MITF: variants seen among roughly 807,000 people sequenced by gnomAD.
MITF encodes microphthalmia-associated transcription factor.
A neutral mutation model predicts 60.5 loss-of-function variants in MITF; 17 were observed. That is an observed-to-expected ratio of 0.28 (90% CI 0.19 to 0.42). The LOEUF (loss-of-function observed/expected upper bound fraction) is 0.42, where lower values mean the gene tolerates loss of function less well. MITF is among the 10% of genes least tolerant of loss of function. The pLI, the probability that MITF is intolerant of heterozygous loss-of-function variation, is 1.00. For synonymous variants in MITF, 260 were observed against 248.5 expected, an observed-to-expected ratio of 1.05 and a Z score of -0.43; for missense variants, 622 against 683.5, an observed-to-expected ratio of 0.91 and a Z score of 1.00.
rs148329616 is a variant in MITF at position 69,913,613 on chromosome 3, G to A, written c.355-24209G>A. The stretch of plus-strand genomic sequence containing the variant: ...TGATCATCACACATAGTGATTGACT[G>A]CATCTCATTTATGATGGTGCAGTCT... On this transcript the variant is annotated intron_variant, in intron 2 of 9. Coordinates refer to ENST00000352241, the MANE Select transcript of MITF (RefSeq NM_001354604.2). Among the ~76,000 whole-genome samples, 26 of 152,328 alleles carry A rather than the reference G, an allele frequency of 1.7e-4. No individual in the cohort carries two copies. In the East Asian group the frequency reaches 3.3e-3, roughly 19 times the overall value.
intron 1 of MITF, among the ~76,000 whole-genome samples, chr3:69,801,909 T>C (rs573560496): frequency 2.2e-4 from 34 of 152,248 alleles, no homozygotes; most frequent in Non-Finnish European, 3.4e-4. Context: ...GTAGTGAGGA[T>C]TGGAGGGAAT....
intron 1 of MITF, among the ~76,000 whole-genome samples, chr3:69,748,078 AAG>A (rs1344403963): frequency 6.6e-6 from 1 of 151,652 alleles, no homozygotes; most frequent in Non-Finnish European, 1.5e-5. Flanking sequence ...AGAAACAAAA[AAG>A]AAGAAGCTCT....
intron 1 of MITF, among the ~76,000 whole-genome samples, chr3:69,857,360 C>A (rs533476275): frequency 1.3e-4 from 19 of 151,236 alleles, no homozygotes; most frequent in Non-Finnish European, 2.4e-4. Context: ...CTGCCCCCCC[C>A]AGTTTCTTTC....
At chr3:69,882,863 G>T (rs967133524) in intron 2 of MITF, among the ~76,000 whole-genome samples, 1 of 152,100 alleles carries the variant, frequency 6.6e-6, no homozygotes, top group African/African-American at 2.4e-5. Context: ...AGTTCATCAG[G>T]ATTTCTTCCC....
chr3:69,847,373 CA>C (rs1294127326), intron 1 of MITF, among the ~76,000 whole-genome samples: 1 of 152,166 alleles, frequency 6.6e-6, no homozygotes, highest in African/African-American at 2.4e-5. Context: ...AAGAAGGACA[CA>C]CTAGAACTAG....
Position 69,904,377 on chromosome 3 carries a change from A to G in MITF, c.354+24994A>G, listed in dbSNP as rs539575590. On this transcript the variant is annotated intron_variant, in intron 2 of 9. Transcript: ENST00000352241. ...ATTTAGATTTTGTGAATTTGCCCATACCAGGTACTGACTAGCATGAAAAAT... is the reference window on the plus strand; with the variant it reads ...ATTTAGATTTTGTGAATTTGCCCATGCCAGGTACTGACTAGCATGAAAAAT... Among the ~76,000 whole-genome samples the G allele has an allele frequency of 2.6e-4, 39 of 152,294 alleles. 1 individual carries two copies. The South Asian group carries it at 7.9e-3, about 31-fold the overall frequency.
intron 1 of MITF, among the ~76,000 whole-genome samples, chr3:69,801,140 G>T (rs2062912993): frequency 6.6e-6 from 1 of 150,866 alleles, no homozygotes; most frequent in South Asian, 2.1e-4. Context: ...AATCTTGGAA[G>T]ATCTTTGAAA....
At chr3:69,931,339 T>C (rs2065718354) in intron 2 of MITF, among the ~76,000 whole-genome samples, 1 of 152,206 alleles carries the variant, frequency 6.6e-6, no homozygotes. Flanking sequence ...ATTATCATGG[T>C]CTTTGGCTTA....
chr3:69,914,916 A>G (rs2107402387), intron 2 of MITF, among the ~76,000 whole-genome samples: 1 of 152,310 alleles, frequency 6.6e-6, no homozygotes, highest in South Asian at 2.1e-4. Context: ...AATTCAGGAC[A>G]GTTCATATAA....
intron 1 of MITF, among the ~76,000 whole-genome samples, chr3:69,876,813 T>C (rs1159989853): frequency 2.0e-5 from 3 of 152,218 alleles, no homozygotes; most frequent in Non-Finnish European, 4.4e-5. Flanking sequence ...TTCTGTCCCC[T>C]TTCTTCTAGC....
chr3:69,832,206 A>G (rs1467488125), intron 1 of MITF, among the ~76,000 whole-genome samples: 1 of 152,206 alleles, frequency 6.6e-6, no homozygotes, highest in Admixed American at 6.5e-5. Context: ...GGTTGTAGAC[A>G]GATGATGGCT....
rs143423975 is a variant in MITF at position 69,896,682 on chromosome 3, G to A, written c.354+17299G>A. On this transcript the variant is annotated intron_variant, in intron 2 of 9. Coordinates refer to ENST00000352241, the MANE Select transcript of MITF (RefSeq NM_001354604.2). ...AGGTGTGATTTTTGCAGAACGTGAT[G>A]TTTTCCAGGACTGTAGAAATGGAGT... Among the ~76,000 whole-genome samples the A allele has an allele frequency of 2.0e-4, 31 of 152,308 alleles. No individual in the cohort carries two copies. In the East Asian group the frequency reaches 6.0e-3, roughly 29 times the overall value.
intron 5 of MITF, among the ~76,000 whole-genome samples, chr3:69,945,324 T>C (rs1217898789): frequency 6.6e-6 from 1 of 152,236 alleles, no homozygotes; most frequent in Non-Finnish European, 1.5e-5. Context: ...AGACTGTGGC[T>C]TTCATCTGTC....
At chr3:69,922,479 C>T (rs975429597) in intron 2 of MITF, among the ~76,000 whole-genome samples, 1 of 152,196 alleles carries the variant, frequency 6.6e-6, no homozygotes, top group African/African-American at 2.4e-5. Flanking sequence ...CTTGGCCTCC[C>T]AAAGTGCTGG....
At chr3:69,960,175 T>C (rs1045665655) in intron 9 of MITF, among the ~76,000 whole-genome samples, 5 of 152,166 alleles carry the variant, frequency 3.3e-5, no homozygotes, top group Non-Finnish European at 5.9e-5. Flanking sequence ...TTAGTATTTG[T>C]AGGGTCCGGG....
chr3:69,905,715 G>GTT (rs535295005), intron 2 of MITF, among the ~76,000 whole-genome samples: 2,298 of 150,958 alleles, frequency 0.015, 25 homozygotes, highest in Middle Eastern at 0.051. Context: ...CTCATTGTGT[G>GTT]TTTTTTTTTA....
intron 2 of MITF, among the ~76,000 whole-genome samples, chr3:69,905,514 G>C (rs2065080095): frequency 6.6e-6 from 1 of 151,902 alleles, no homozygotes; most frequent in South Asian, 2.1e-4. Flanking sequence ...TGAAACAGCT[G>C]AATCATATAG....
intron 1 of MITF, among the ~76,000 whole-genome samples, chr3:69,828,464 A>G: frequency 6.6e-6 from 1 of 152,186 alleles, no homozygotes; most frequent in East Asian, 1.9e-4. Flanking sequence ...ACTCACCTAG[A>G]ATAAAGGAAA....
chr3:69,841,599 A>C (rs2063637930), intron 1 of MITF, among the ~76,000 whole-genome samples: 1 of 152,234 alleles, frequency 6.6e-6, no homozygotes, highest in Admixed American at 6.5e-5. Context: ...TTAGTGCTTA[A>C]GCACAGACTA....
Sources: allele counts gnomAD v4.1 joint callset (sites outside exome capture counted in the v4.1 genomes callset), GRCh38; gene constraint gnomAD v4.1.1; transcripts MANE v1.5; gene names NCBI Gene and HGNC (gene_info 2026-07-23, HGNC 2026-07-21).